Variants in ABL1 observed in about 807,000 individuals in gnomAD.
The protein encoded by ABL1 is ABL proto-oncogene 1, non-receptor tyrosine kinase, also known as tyrosine-protein kinase ABL1.
ABL1 carries 11 observed loss-of-function variants against 94.7 expected under a neutral mutation model. The ratio of observed to expected loss-of-function variants is 0.12; its 90% CI spans 0.07 to 0.19. The LOEUF is 0.19. Ranked by LOEUF, ABL1 falls within the 10% of genes least tolerant of loss-of-function variation. The pLI is 1.00. For synonymous variants in ABL1, 656 were observed against 622.4 expected, an observed-to-expected ratio of 1.05 and a Z score of -0.80; for missense variants, 1,082 against 1,489.4, an observed-to-expected ratio of 0.73 and a Z score of 4.50.
At chr9:130,802,244 C>CCT (rs1266780385) in intron 1 of ABL1, among the ~76,000 whole-genome samples, 1 of 151,994 alleles carries the variant, frequency 6.6e-6, no homozygotes, top group African/African-American at 2.4e-5. Context: ...CAGGCACGTG[C>CCT]CACCACGCCT....
In ABL1 at chr9:130,835,671, CTTCT is replaced by C; in HGVS notation, c.79+147_79+150del. 1.7e-6 allele frequency: 1 copy of C among 575,350 alleles called. No individual in the cohort carries two copies. Among genetic ancestry groups the C allele is most frequent in the South Asian group, 2.0e-5 (1 of 48,966 alleles). The allele number at this position is 575,350 out of a possible 1,614,324, so 35.6% of individuals were successfully genotyped here. On this transcript the variant is annotated intron_variant, in intron 1 of 10. Transcript: ENST00000318560. The surrounding 1 kb of genome is among the most constrained non-coding windows in gnomAD (Gnocchi z 4.6). ...TTTTCTTTCTTCCCTCTTCTCTTCT[CTTCT>C]CTTCAGTTCTCTTATATTCTGTCTC...
intron 4 of ABL1, among the ~76,000 whole-genome samples, chr9:130,869,599 C>T (rs1375718281): frequency 6.6e-6 from 1 of 152,220 alleles, no homozygotes; most frequent in Non-Finnish European, 1.5e-5. Context: ...ACCCATCTCC[C>T]TCCCTAACAA....
intron 4 of ABL1, among the ~76,000 whole-genome samples, chr9:130,868,520 C>CTTTTTTTTTTTTTT (rs71389371): frequency 1.5e-4 from 17 of 112,086 alleles, no homozygotes; most frequent in South Asian, 3.0e-4. Context: ...TTTTCTTTTT[C>CTTTTTTTTTTTTTT]TTTTTTTTTT....
chr9:130,873,045 C>A lies in ABL1; in HGVS notation c.1085+8C>A. 1 of 1,610,898 alleles carries A rather than the reference C, an allele frequency of 6.2e-7. No individual in the cohort carries two copies. ...GAAAAACTTCATCCACAGGTAGGGG[C>A]CTGGCCAGGCAGCCTGCGCCATGGA... On this transcript the variant is annotated splice_region_variant and intron_variant, in intron 6 of 10. Transcript: ENST00000318560.
At position 130,885,056 on chromosome 9, in the gene ABL1, G is replaced by A. The variant is rs1064161; in HGVS notation, c.2766G>A (p.Ala922=). ...GKPSQSPSQE[A]AGEAVLGAKT... ...CCTCGCAGAGCCCGAGCCAGGAGGCGGCCGGGGAGGCAGTCCTGGGCGCAA... is the reference window on the plus strand; with the variant it reads ...CCTCGCAGAGCCCGAGCCAGGAGGCAGCCGGGGAGGCAGTCCTGGGCGCAA... Residue 922 remains alanine (A), a synonymous_variant, in exon 11 of 11, where the codon GCG becomes GCA. Transcript: ENST00000318560. The A allele has an allele frequency of 1.6e-5, 26 of 1,609,834 alleles. No individual in the cohort carries two copies. The highest frequency in any genetic ancestry group is 1.3e-4 in the South Asian group (12 of 90,880).
intron 1 of ABL1, among the ~76,000 whole-genome samples, chr9:130,722,064 G>A (rs1831521995): frequency 6.6e-6 from 1 of 151,596 alleles, no homozygotes; most frequent in Non-Finnish European, 1.5e-5. Context: ...TTTCAGGCGT[G>A]AGCCACCGTG....
chr9:130,793,215 C>T (rs190338814), intron 1 of ABL1, among the ~76,000 whole-genome samples: 16 of 152,292 alleles, frequency 1.1e-4, no homozygotes, highest in Admixed American at 5.9e-4. Context: ...CATGAGCCAC[C>T]GCGCCTGGCC....
In ABL1 at chr9:130,884,987, G is replaced by A. The variant is rs367911374; in HGVS notation, c.2697G>A (p.Pro899=). 3.2e-5 allele frequency: 52 copies of A among 1,610,854 alleles called. No individual in the cohort carries two copies. The highest frequency in any genetic ancestry group is 1.6e-4 in the Middle Eastern group (1 of 6,068). ...AATTGTCCAGGCTCAAACCTGCCCC[G>A]CCGCCCCCACCAGCAGCCTCTGCAG... The part of the protein sequence containing the change: ...KGKLSRLKPA[P]PPPPAASAGK... The change falls in exon 11 of 11, where the codon CCG becomes CCA. Residue 899 remains proline (P), a synonymous_variant. Coordinates refer to ENST00000318560, the MANE Select transcript of ABL1 (RefSeq NM_005157.6). This position sits in a 1 kb window ranked among gnomAD's most constrained non-coding sequence, Gnocchi z 5.6.
intron 1 of ABL1, among the ~76,000 whole-genome samples, chr9:130,737,520 T>C (rs994498150): frequency 1.3e-5 from 2 of 152,008 alleles, no homozygotes; most frequent in African/African-American, 4.8e-5. Context: ...CCACCCGCCT[T>C]GGCCTCCCAA....
At chr9:130,734,440 C>G (rs1319180455) in intron 1 of ABL1, among the ~76,000 whole-genome samples, 1 of 151,546 alleles carries the variant, frequency 6.6e-6, no homozygotes, top group South Asian at 2.1e-4. Context: ...TGGTCTTGAT[C>G]TCCTGACCTC....
At chr9:130,819,906 T>C (rs1830338005) in intron 1 of ABL1, among the ~76,000 whole-genome samples, 1 of 151,872 alleles carries the variant, frequency 6.6e-6, no homozygotes, top group Non-Finnish European at 1.5e-5. Flanking sequence ...TTGCTGTGAC[T>C]TCTGTTTCTC....
chr9:130,839,214 A>G (rs1830633225), intron 1 of ABL1, among the ~76,000 whole-genome samples: 1 of 151,992 alleles, frequency 6.6e-6, no homozygotes, highest in African/African-American at 2.4e-5. Context: ...GGCATGAGCC[A>G]CTGCACTCAG....
At chr9:130,829,936 C>T (rs1451229764) in intron 1 of ABL1, among the ~76,000 whole-genome samples, 2 of 151,978 alleles carry the variant, frequency 1.3e-5, no homozygotes, top group Admixed American at 6.6e-5. Flanking sequence ...TCAGAAAGAG[C>T]AAGATGATGT....
Position 130,880,637 on chromosome 9 carries a change from C to T in ABL1, c.1651C>T (p.Pro551Ser). The T allele has an allele frequency of 2.5e-6, 4 of 1,613,678 alleles. No individual in the cohort carries two copies. The highest frequency in any genetic ancestry group is 3.4e-6 in the Non-Finnish European group (4 of 1,179,830). Residue 551 changes from proline (P) to serine (S), a missense_variant, in exon 10 of 11, where the codon CCT becomes TCT. Around this residue, in one of 7 missense-constraint regions of ABL1, gnomAD observed 780 missense variants for 835.8 expected, o/e 0.93. Transcript: ENST00000318560. The surrounding 1 kb of genome is among the most constrained non-coding windows in gnomAD (Gnocchi z 4.4). ...HRDTTDVPEM[P>S]HSKGQGESDP... ...AGACACCACTGACGTGCCTGAGATGCCTCACTCCAAGGGCCAGGGAGAGAG... is the reference window on the plus strand; with the variant it reads ...AGACACCACTGACGTGCCTGAGATGTCTCACTCCAAGGGCCAGGGAGAGAG...
chr9:130,876,888 C>T (rs985404067), intron 7 of ABL1, among the ~76,000 whole-genome samples: 5 of 146,984 alleles, frequency 3.4e-5, no homozygotes, highest in South Asian at 4.2e-4. Flanking sequence ...AGGCGCCCGC[C>T]GCCACACTCG....
intron 1 of ABL1, among the ~76,000 whole-genome samples, chr9:130,761,654 T>A (rs1832116859): frequency 6.6e-6 from 1 of 152,254 alleles, no homozygotes; most frequent in Admixed American, 6.5e-5. Context: ...TATGGTGTGA[T>A]CAGAACACCC....
intron 1 of ABL1, among the ~76,000 whole-genome samples, chr9:130,723,046 T>G (rs1831536174): frequency 6.6e-6 from 1 of 152,172 alleles, no homozygotes; most frequent in Non-Finnish European, 1.5e-5. Flanking sequence ...AGCTGGGAAT[T>G]AAACCCATAG....
intron 1 of ABL1, among the ~76,000 whole-genome samples, chr9:130,790,768 C>G (rs1041410597): frequency 6.6e-6 from 1 of 151,962 alleles, no homozygotes. Context: ...GCCACTGTGT[C>G]GGGCCAGCAT....
At chr9:130,846,803 C>T (rs1190584735) in intron 1 of ABL1, among the ~76,000 whole-genome samples, 1 of 152,264 alleles carries the variant, frequency 6.6e-6, no homozygotes, top group Non-Finnish European at 1.5e-5. Context: ...AAGTCTAGGC[C>T]AGATATGCCA....
Sources: allele counts gnomAD v4.1 joint callset (sites outside exome capture counted in the v4.1 genomes callset), GRCh38; gene constraint gnomAD v4.1.1; regional missense constraint gnomAD v4.1.1; non-coding constraint Gnocchi (gnomAD v3.1); transcripts MANE v1.5; gene names NCBI Gene and HGNC (gene_info 2026-07-23, HGNC 2026-07-21).